PRKAR1A: variants seen among roughly 807,000 people sequenced by gnomAD.
PRKAR1A encodes cAMP-dependent protein kinase type I-alpha regulatory subunit.
In PRKAR1A, 3 loss-of-function variants were observed where a neutral mutation model predicts 52.0. The ratio of observed to expected loss-of-function variants is 0.06; its 90% CI spans 0.03 to 0.15. PRKAR1A has a LOEUF of 0.15. Among genes scored for constraint, PRKAR1A ranks in the 10% least tolerant of loss-of-function variants. The probability of loss-of-function intolerance (pLI) is 1.00; values close to 1 mark genes in which losing one functional copy is unlikely to be tolerated. For synonymous variants in PRKAR1A, 188 were observed against 168.4 expected, an observed-to-expected ratio of 1.12 and a Z score of -0.90; for missense variants, 240 against 477.4, an observed-to-expected ratio of 0.50 and a Z score of 4.63.
chr17:68,486,064 A>G, the PRKAR1A span, among the ~76,000 whole-genome samples: 1 of 152,104 alleles, frequency 6.6e-6, no homozygotes, highest in Non-Finnish European at 1.5e-5. Context: ...GAGCCCCACA[A>G]TCCATAACAT....
At chr17:68,499,345 G>A in the PRKAR1A span, among the ~76,000 whole-genome samples, 3 of 150,572 alleles carry the variant, frequency 2.0e-5, no homozygotes, top group East Asian at 4.0e-4. Context: ...GAGCAGGGAT[G>A]TCATGGAAGT....
intron 11 of PRKAR1A, chr17:68,550,960 C>A (rs958793925): frequency 1.2e-6 from 1 of 810,018 alleles, no homozygotes; most frequent in South Asian, 6.4e-5. Flanking sequence ...AATGGGCCTC[C>A]CCTTGAATGG....
In PRKAR1A at chr17:68,525,756, C is replaced by T. The variant is rs751501857; in HGVS notation, c.552C>T (p.Val184=). The part of the protein sequence containing the change: ...FYVIDQGETD[V]YVNNEWATSV... ...TTTTGATGTCACTTGCACTTTAGGT[C>T]TATGTTAACAATGAATGGGCAACCA... The change falls in exon 7 of 11, where the codon GTC becomes GTT. Residue 184 remains valine, a splice_region_variant and synonymous_variant. Coordinates refer to ENST00000589228, the MANE Select transcript of PRKAR1A (RefSeq NM_002734.5). The T allele has an allele frequency of 1.2e-6, 2 of 1,613,614 alleles. No homozygotes were observed. The highest frequency in any genetic ancestry group is 2.2e-5 in the South Asian group (2 of 91,044).
At chr17:68,420,751 A>C in the PRKAR1A span, 1 of 421,920 alleles carries the variant, frequency 2.4e-6, no homozygotes, top group Non-Finnish European at 4.2e-6. Context: ...CAATTGTTTA[A>C]CCTAACCTGC....
chr17:68,447,026 G>A, the PRKAR1A span, among the ~76,000 whole-genome samples: 6 of 152,188 alleles, frequency 3.9e-5, no homozygotes, highest in African/African-American at 9.7e-5. Flanking sequence ...TTCAGCCCCC[G>A]CAGAACCATG....
intron 3 of PRKAR1A, 135 bp from the exon 4 acceptor site, chr17:68,523,590 T>C (rs1236504048): frequency 1.4e-6 from 1 of 710,178 alleles, no homozygotes; most frequent in Non-Finnish European, 2.5e-6. Context: ...AGTACAAGTG[T>C]GTTGTAGTGA....
At chr17:68,493,417 T>A in the PRKAR1A span, among the ~76,000 whole-genome samples, 1 of 150,946 alleles carries the variant, frequency 6.6e-6, no homozygotes, top group Non-Finnish European at 1.5e-5. Flanking sequence ...AAGTTGTCCA[T>A]ATAAAAAAAT....
the PRKAR1A span, among the ~76,000 whole-genome samples, chr17:68,489,465 A>T: frequency 7.0e-6 from 1 of 142,430 alleles, no homozygotes; most frequent in East Asian, 2.0e-4. Context: ...AATGGAAAAA[A>T]TATATATATA....
chr17:68,450,602 T>C, the PRKAR1A span: 2 of 1,278,200 alleles, frequency 1.6e-6, no homozygotes, highest in East Asian at 4.9e-5. Context: ...ACACGGGGCC[T>C]GAGTGTTAAC....
At chr17:68,548,294 C>A (rs558553272) in intron 11 of PRKAR1A, among the ~76,000 whole-genome samples, 15 of 152,066 alleles carry the variant, frequency 9.9e-5, no homozygotes, top group African/African-American at 3.1e-4. Flanking sequence ...CTTTGGGAGG[C>A]TGAGGTGGGC....
the PRKAR1A span, among the ~76,000 whole-genome samples, chr17:68,491,792 A>C: frequency 4.1e-4 from 63 of 152,248 alleles, no homozygotes; most frequent in African/African-American, 1.5e-3. Flanking sequence ...AACGCACAAA[A>C]AAAAAAAGAA....
chr17:68,488,289 T>G, the PRKAR1A span, among the ~76,000 whole-genome samples: 1 of 152,012 alleles, frequency 6.6e-6, no homozygotes, highest in African/African-American at 2.4e-5. Context: ...GAGGTCTGAG[T>G]CTGACAGTGG....
At chr17:68,477,367 G>C in the PRKAR1A span, among the ~76,000 whole-genome samples, 1 of 152,074 alleles carries the variant, frequency 6.6e-6, no homozygotes, top group Non-Finnish European at 1.5e-5. Context: ...TCAGAGCCAA[G>C]ACTCACTATG....
chr17:68,422,258 G>A, the PRKAR1A span: 387 of 155,312 alleles, frequency 2.5e-3, 2 homozygotes, highest in African/African-American at 9.5e-3. Context: ...AAACCCCATC[G>A]CTACTAAAAA....
chr17:68,516,833 G>A (rs1317283637), intron 2 of PRKAR1A, among the ~76,000 whole-genome samples: 1 of 152,186 alleles, frequency 6.6e-6, no homozygotes, highest in Non-Finnish European at 1.5e-5. Flanking sequence ...CCAAATCATG[G>A]AAGTATTGTA....
downstream of PRKAR1A, among the ~76,000 whole-genome samples, chr17:68,533,695 T>G (rs781429563): frequency 3.0e-4 from 45 of 152,198 alleles, no homozygotes; most frequent in Non-Finnish European, 6.2e-4. Context: ...ACCATTTAAT[T>G]TGTCCCCAAA....
At chr17:68,418,284 G>A in the PRKAR1A span, among the ~76,000 whole-genome samples, 1 of 152,172 alleles carries the variant, frequency 6.6e-6, no homozygotes, top group Non-Finnish European at 1.5e-5. Context: ...TTTACACTTT[G>A]TTAGGACGAG....
Position 68,522,675 on chromosome 17 carries a change from A to T in PRKAR1A, c.178-81A>T. ...TGGAAGAAGAGATTGGAAGTGACTG[A>T]GATAGACTATCATTGGAACATGAGA... On this transcript the variant is annotated intron_variant, in intron 2 of 10. Coordinates refer to ENST00000589228, the MANE Select transcript of PRKAR1A (RefSeq NM_002734.5). 4 of 1,450,640 alleles carry T rather than the reference A, an allele frequency of 2.8e-6. No individual in the cohort carries two copies. The South Asian group carries it at 3.5e-5, about 13-fold the overall frequency. 89.9% of individuals were successfully genotyped at this position (1,450,640 alleles called of 1,614,324 possible). A position where few individuals can be genotyped will look rare whatever the true frequency, so the allele number is the denominator to read the frequency against.
rs1362375710 is a variant in PRKAR1A at position 68,530,068 on chromosome 17, G to A, written c.973+67G>A. 3 of 1,558,644 alleles carry A rather than the reference G, an allele frequency of 1.9e-6. No individual in the cohort carries two copies. The African/African-American group carries it at 4.1e-5, about 21-fold the overall frequency. On this transcript the variant is annotated intron_variant, in intron 10 of 10. Coordinates refer to ENST00000589228, the MANE Select transcript of PRKAR1A (RefSeq NM_002734.5). ...AGTCACCTCTCAGTGAGATATTGTA[G>A]TCTTCCATAATTTTGTCTTCTCCTG...
Sources: allele counts gnomAD v4.1 joint callset (sites outside exome capture counted in the v4.1 genomes callset), GRCh38; gene constraint gnomAD v4.1.1; transcripts MANE v1.5; gene names NCBI Gene and HGNC (gene_info 2026-07-23, HGNC 2026-07-21).